Variants in CRLF2 observed in about 807,000 individuals in gnomAD.
CRLF2 encodes cytokine receptor like factor 2.
CRLF2 carries 41 observed loss-of-function variants against 38.7 expected under a neutral mutation model. The observed-to-expected ratio is 1.06, with a 90% CI of 0.83 to 1.37. The LOEUF (loss-of-function observed/expected upper bound fraction) is 1.37. Ranked by LOEUF, CRLF2 falls within the 40% of genes most tolerant of loss-of-function variation. The pLI is 0.00. For missense variants in CRLF2, 377 were observed against 322.2 expected, an observed-to-expected ratio of 1.17 and a Z score of -1.30; for synonymous variants, 140 against 128.8, an observed-to-expected ratio of 1.09 and a Z score of -0.59.
At chrX:1,208,608 A>T (rs2086732866) in intron 2 of CRLF2, among the ~76,000 whole-genome samples, 198 bp downstream of exon 2, 1 of 152,206 alleles carries the variant, frequency 6.6e-6, no homozygotes, top group African/African-American at 2.4e-5. Context: ...ACAGTGAGTC[A>T]GCCATCCCTT....
At chrX:1,197,003 T>A in intron 5 of CRLF2, 103 bp from the exon 6 acceptor site, 3 of 1,028,186 alleles carry the variant, frequency 2.9e-6, no homozygotes, top group Non-Finnish European at 4.0e-6. Flanking sequence ...TCCCTCATTT[T>A]TTGGTGTTCG....
intron 5 of CRLF2, among the ~76,000 whole-genome samples, chrX:1,198,277 C>T (rs1381579416): frequency 0.031 from 1,472 of 48,084 alleles, no homozygotes; most frequent in Middle Eastern, 0.065. Flanking sequence ...TCCCACCTCC[C>T]AGGAAGGCAG....
At chrX:1,204,284 A>C (rs2086656628) in intron 3 of CRLF2, among the ~76,000 whole-genome samples, 1 of 151,968 alleles carries the variant, frequency 6.6e-6, no homozygotes, top group Non-Finnish European at 1.5e-5. Flanking sequence ...GCTGGAGTGC[A>C]ATGGCGCGAT....
intron 5 of CRLF2, 83 bp from the exon 6 acceptor site, chrX:1,196,983 C>A: frequency 8.6e-7 from 1 of 1,163,394 alleles, no homozygotes; most frequent in Non-Finnish European, 1.2e-6. Context: ...CATCTCATCC[C>A]TAACCAGTCT....
chrX:1,203,264 G>C (rs764910691), intron 3 of CRLF2, among the ~76,000 whole-genome samples: 28 of 152,088 alleles, frequency 1.8e-4, no homozygotes, highest in African/African-American at 5.6e-4. Flanking sequence ...CAGAGGAGGA[G>C]GCCACGTGGA....
intron 3 of CRLF2, among the ~76,000 whole-genome samples, chrX:1,204,186 A>G (rs2086655629): frequency 4.3e-5 from 1 of 23,120 alleles, no homozygotes. Flanking sequence ...GTGTGTAGGC[A>G]GGGCACCAGA....
Position 1,196,793 on chromosome X carries a change from A to G in CRLF2, c.754T>C (p.Trp252Arg), listed in dbSNP as rs1363162924. 1.9e-6 allele frequency: 3 copies of G among 1,613,324 alleles called. No individual in the cohort carries two copies. The highest frequency in any genetic ancestry group is 2.5e-6 in the Non-Finnish European group (3 of 1,179,550). Reference protein sequence around the residue: ...LMVSLLLLSLWKLWRVKKFLI... With the variant: ...LMVSLLLLSLRKLWRVKKFLI... ...AGTCATCCTTACCTCCATAATTTCCATAAAGACAGAAGGAGGAGAGACACC... is the reference window on the plus strand; with the variant it reads ...AGTCATCCTTACCTCCATAATTTCCGTAAAGACAGAAGGAGGAGAGACACC... The change falls in exon 6 of 8, where the codon TGG (tryptophan) becomes CGG (arginine). Residue 252 changes from tryptophan (W) to arginine (R), a missense_variant. Physicochemically the swap from Trp to Arg is moderately radical, Grantham distance 101. Coordinates refer to ENST00000400841, the MANE Select transcript of CRLF2 (RefSeq NM_022148.4).
chrX:1,198,752 C>CAT, intron 4 of CRLF2, 28 bp from the exon 5 acceptor site: 1 of 1,308,074 alleles, frequency 7.6e-7, no homozygotes, highest in Non-Finnish European at 1.1e-6. Context: ...CACACACACA[C>CAT]ACACACACAC....
At chrX:1,192,560 G>T (rs1415544442) in intron 7 of CRLF2, among the ~76,000 whole-genome samples, 1 of 151,988 alleles carries the variant, frequency 6.6e-6, no homozygotes, top group East Asian at 1.9e-4. Flanking sequence ...AGGTTGCAGT[G>T]AGCCGAGATC....
intron 4 of CRLF2, 102 bp from the exon 5 acceptor site, chrX:1,198,826 G>C: frequency 8.4e-7 from 1 of 1,189,022 alleles, no homozygotes. Flanking sequence ...TTTCCTTCCG[G>C]AGGGTTCACA....
intron 6 of CRLF2, among the ~76,000 whole-genome samples, chrX:1,195,073 C>A (rs2086453524): frequency 6.8e-6 from 1 of 147,664 alleles, no homozygotes; most frequent in Non-Finnish European, 1.5e-5. Flanking sequence ...ATGACTCAAC[C>A]TCCCACCTAC....
rs768283704 is a variant in CRLF2 at position 1,202,351 on chromosome X, C to G, written c.483+51G>C. The G allele has an allele frequency of 1.2e-5, 20 of 1,609,380 alleles. No individual in the cohort carries two copies. The African/African-American group carries it at 2.5e-4, about 20-fold the overall frequency. On this transcript the variant is annotated intron_variant, in intron 4 of 7. Transcript: ENST00000400841. ...GAAACAGCGAATCCCACAGCCCGCA[C>G]CTGGGGGACGCTCAGCCACCATCGC...
intron 3 of CRLF2, among the ~76,000 whole-genome samples, chrX:1,204,517 C>T (rs1444994181): frequency 2.0e-5 from 3 of 151,926 alleles, no homozygotes; most frequent in African/African-American, 7.3e-5. Flanking sequence ...GGAGAGCCAC[C>T]GCCCTGGGCC....
Position 1,198,611 on chromosome X carries a change from G to C in CRLF2, c.597C>G (p.Tyr199Ter). 6.2e-7 allele frequency: 1 copy of C among 1,613,674 alleles called. No individual in the cohort carries two copies. ...ATGTCACCTCTGACCAGTCGCTTGG[G>C]TATGTGTCTGGCCCATATACATCCT... ...AMEDVYGPDT[Y>*]PSDWSEVTCW... is the part of the protein sequence containing the mutation. Residue 199 changes from tyrosine (Y) to a stop codon, truncating the protein, a stop_gained, in exon 5 of 8, where the codon TAC becomes TAG. Transcript: ENST00000400841. LOFTEE classifies it high-confidence loss of function.
chrX:1,192,703 TTTTCTTTTCTTTCTTTCTTTCTTTCTTTC>T (rs2086408515), intron 7 of CRLF2, among the ~76,000 whole-genome samples: 5 of 147,434 alleles, frequency 3.4e-5, no homozygotes, highest in African/African-American at 5.0e-5. Context: ...TTTTCTTTTC[TTTTCTTTTCTTTCTTTCTTTCTTTCTTTC>T]TTTCTTTCTT....
chrX:1,193,409 G>A (rs1240754109), intron 6 of CRLF2, 107 bp from the exon 7 acceptor site: 3 of 397,302 alleles, frequency 7.6e-6, no homozygotes, highest in Non-Finnish European at 1.3e-5. Context: ...AAGAATGGCA[G>A]AGCGGGGCCT....
At chrX:1,196,702 C>T (rs1198384118) in intron 6 of CRLF2, 78 bp downstream of exon 6, 50 of 1,550,138 alleles carry the variant, frequency 3.2e-5, no homozygotes, top group Middle Eastern at 2.1e-4. Context: ...CTCTATCAGG[C>T]GATTAATCTT....
At position 1,193,802 on chromosome X, in the gene CRLF2, A is replaced by AC. The variant is rs1418511034; in HGVS notation, c.768-501_768-500insG. Among the ~76,000 whole-genome samples, 8 of 129,714 alleles carry AC rather than the reference A, an allele frequency of 6.2e-5. No individual in the cohort carries two copies. In the Admixed American group the frequency reaches 6.4e-4, roughly 10 times the overall value. 85.1% of individuals were successfully genotyped at this position (129,714 alleles called of 152,430 possible). On this transcript the variant is annotated intron_variant, in intron 6 of 7. Coordinates refer to ENST00000400841, the MANE Select transcript of CRLF2 (RefSeq NM_022148.4). The stretch of plus-strand genomic sequence containing the variant: ...ATCTCAAAAAAAAAAAAAAAAAAAA[A>AC]ATACAAAAATTAGCCAGGTGTGGTG...
At chrX:1,194,215 G>A (rs1339143968) in intron 6 of CRLF2, among the ~76,000 whole-genome samples, 200 of 152,102 alleles carry the variant, frequency 1.3e-3, no homozygotes, top group Non-Finnish European at 2.3e-3. Context: ...ACTTGAACCT[G>A]GGAGGCGGAG....
Sources: gnomAD v4.1 joint callset for allele counts (sites outside exome capture counted in the v4.1 genomes callset) on GRCh38, gnomAD v4.1.1 for gene constraint, MANE v1.5 for transcripts, NCBI Gene and HGNC (gene_info 2026-07-23, HGNC 2026-07-21) for gene names.